The following MCC variants were observed in gnomAD, a reference collection of about 807,000 sequenced individuals.
MCC encodes the protein colorectal mutant cancer protein.
In MCC, 90 loss-of-function variants were observed where a neutral mutation model predicts 116.2. The ratio of observed to expected loss-of-function variants is 0.77; its 90% CI spans 0.65 to 0.92. MCC has a LOEUF of 0.92. Among genes scored for constraint, MCC ranks in the 40% least tolerant of loss-of-function variants. The pLI is 0.00. For synonymous variants in MCC, 578 were observed against 510.5 expected (o/e 1.13, Z -1.78); for missense variants, 1,516 against 1,312.2 (o/e 1.16, Z -2.40).
intron 4 of MCC, 91 bp downstream of exon 4, chr5:113,151,218 T>C: frequency 1.3e-6 from 1 of 744,598 alleles, no homozygotes; most frequent in Non-Finnish European, 2.3e-6. Flanking sequence ...TAATTTGTTT[T>C]GTGGGAATTT....
chr5:113,085,296 T>G lies in MCC; in HGVS notation c.1413A>C (p.Gln471His). Residue 471 changes from glutamine (Q) to histidine (H), a missense_variant, in exon 9 of 19, where the codon CAA (glutamine) becomes CAC (histidine). By Grantham distance (24) the Gln-to-His change is conservative. Transcript: ENST00000408903. ...DRLRRRVREL[Q>H]TRLQSVQATG... ...TGGCCTGCACGCTCTGTAGTCGAGTTTGAAGCTCTCTGACCTGAAATCATA... is the reference window on the plus strand; with the variant it reads ...TGGCCTGCACGCTCTGTAGTCGAGTGTGAAGCTCTCTGACCTGAAATCATA... 6.2e-7 allele frequency: 1 copy of G among 1,612,564 alleles called. No homozygotes were observed. The highest frequency in any genetic ancestry group is 8.5e-7 in the Non-Finnish European group (1 of 1,178,932).
At chr5:113,103,746 G>C (rs1303359316) in intron 7 of MCC, among the ~76,000 whole-genome samples, 1 of 152,166 alleles carries the variant, frequency 6.6e-6, no homozygotes, top group Non-Finnish European at 1.5e-5. Flanking sequence ...CATTCACAAT[G>C]AGTTTGTGCA....
intron 1 of MCC, among the ~76,000 whole-genome samples, chr5:113,479,033 T>C (rs538671998): frequency 2.0e-5 from 3 of 152,190 alleles, no homozygotes; most frequent in African/African-American, 7.2e-5. Context: ...TGAATGTTCA[T>C]AATGCCTTTA....
chr5:113,053,060 A>G (rs1374196069), intron 15 of MCC, among the ~76,000 whole-genome samples: 1 of 152,228 alleles, frequency 6.6e-6, no homozygotes, highest in East Asian at 1.9e-4. Flanking sequence ...CACACCAGAA[A>G]CAGGCAAAGT....
chr5:113,133,621 T>G (rs947306141), intron 5 of MCC, among the ~76,000 whole-genome samples: 4 of 152,208 alleles, frequency 2.6e-5, no homozygotes, highest in African/African-American at 7.2e-5. Context: ...TATTGATGTC[T>G]TTTCTTTTGG....
intron 1 of MCC, among the ~76,000 whole-genome samples, chr5:113,390,241 A>C (rs1218350790): frequency 6.6e-6 from 1 of 152,260 alleles, no homozygotes; most frequent in East Asian, 1.9e-4. Flanking sequence ...TGAATTACAC[A>C]AAATTGTACT....
At chr5:113,245,092 G>T (rs1040911848) in intron 3 of MCC, among the ~76,000 whole-genome samples, 4 of 152,080 alleles carry the variant, frequency 2.6e-5, no homozygotes, top group African/African-American at 9.7e-5. Context: ...AGGAGTTTGA[G>T]ACCAGCCCGA....
intron 9 of MCC, 88 bp downstream of exon 9, chr5:113,085,076 G>A: frequency 1.3e-6 from 2 of 1,575,808 alleles, no homozygotes; most frequent in Non-Finnish European, 1.7e-6. Context: ...TCAGCTAAGG[G>A]CATGCCTGTA....
intron 3 of MCC, among the ~76,000 whole-genome samples, chr5:113,190,852 T>A (rs1406032703): frequency 2.0e-5 from 3 of 152,098 alleles, no homozygotes; most frequent in Non-Finnish European, 4.4e-5. Flanking sequence ...AAAATAAATG[T>A]CTCTCAAGTT....
intron 5 of MCC, among the ~76,000 whole-genome samples, chr5:113,131,472 G>A (rs1758422789): frequency 6.6e-6 from 1 of 152,166 alleles, no homozygotes; most frequent in African/African-American, 2.4e-5. Context: ...AAAGTGTTTA[G>A]TGTTTAATCC....
chr5:113,485,031 G>T (rs1407492204), intron 1 of MCC, among the ~76,000 whole-genome samples: 1 of 152,126 alleles, frequency 6.6e-6, no homozygotes, highest in Non-Finnish European at 1.5e-5. Context: ...CTATTGATGG[G>T]GATGATTCTG....
rs1012141883 is a variant in MCC, at chr5:113,104,173, G to A, written c.1191+19C>T. ...TTTCAGAACCTCAAAGGGCCTCACA[G>A]AGGGTGAGGAAGGTCTACCTTAATA... On this transcript the variant is annotated intron_variant, in intron 7 of 18. Transcript: ENST00000408903. 3 of 1,586,062 alleles carry A rather than the reference G, an allele frequency of 1.9e-6. No individual in the cohort carries two copies. The East Asian group carries it at 6.8e-5, about 36-fold the overall frequency.
At chr5:113,130,626 A>G (rs1185402282) in intron 5 of MCC, among the ~76,000 whole-genome samples, 1 of 152,100 alleles carries the variant, frequency 6.6e-6, no homozygotes, top group Non-Finnish European at 1.5e-5. Flanking sequence ...TGGATCCCTC[A>G]AGAGATTATT....
chr5:113,272,093 A>G (rs760905940), intron 3 of MCC, among the ~76,000 whole-genome samples: 1 of 152,218 alleles, frequency 6.6e-6, no homozygotes, highest in Admixed American at 6.5e-5. Flanking sequence ...GTTTAGCTTT[A>G]GCTTGTTTAT....
In MCC at chr5:113,449,540, T is replaced by G. The variant is rs371159800; in HGVS notation, c.170+38705A>C. Among the ~76,000 whole-genome samples the G allele has an allele frequency of 1.4e-3, 218 of 152,376 alleles. 1 individual carries two copies. Among genetic ancestry groups the G allele is most frequent in the African/African-American group, 5.0e-3 (208 of 41,584 alleles). ...CCTCAGCGGAGGCCAGGTACCCACC[T>G]TCCTGTGATGATTTCTGTGAGGACT... On this transcript the variant is annotated intron_variant, in intron 1 of 18. Transcript: ENST00000408903.
At chr5:113,383,011 T>C (rs1169274587) in intron 2 of MCC, among the ~76,000 whole-genome samples, 1 of 152,212 alleles carries the variant, frequency 6.6e-6, no homozygotes, top group African/African-American at 2.4e-5. Context: ...TGAAAGGGTA[T>C]TGTTTTTCAA....
chr5:113,278,009 T>C (rs75666776), intron 3 of MCC, among the ~76,000 whole-genome samples: 4,928 of 152,210 alleles, frequency 0.032, 105 homozygotes, highest in East Asian at 0.075. Context: ...AGATCTCCAG[T>C]CTCACCTATC....
At chr5:113,207,906 C>T (rs573472737) in intron 3 of MCC, among the ~76,000 whole-genome samples, 1 of 152,172 alleles carries the variant, frequency 6.6e-6, no homozygotes, top group Non-Finnish European at 1.5e-5. Context: ...CTACTCTCAT[C>T]AGCAGAGGTG....
Position 113,433,851 on chromosome 5 carries a change from C to A in MCC, c.171-48639G>T, listed in dbSNP as rs761618235. Reference sequence around the variant, plus strand: ...CTGCCTGGACATTTGCATTGCTGTCCCCTCGGGTTTTGTCTCAGGCTGTGC... The same window carrying A: ...CTGCCTGGACATTTGCATTGCTGTCACCTCGGGTTTTGTCTCAGGCTGTGC... On this transcript the variant is annotated intron_variant, in intron 1 of 18. Transcript: ENST00000408903. 8 of 1,613,896 alleles carry A rather than the reference C, an allele frequency of 5.0e-6. No homozygotes were observed. In the African/African-American group the frequency reaches 9.3e-5, roughly 19 times the overall value.
Sources: allele counts gnomAD v4.1 joint callset (sites outside exome capture counted in the v4.1 genomes callset), GRCh38; gene constraint gnomAD v4.1.1; transcripts MANE v1.5; gene names NCBI Gene and HGNC (gene_info 2026-07-23, HGNC 2026-07-21).